PEX11B: variants seen among roughly 807,000 people sequenced by gnomAD.
PEX11B encodes peroxisomal biogenesis factor 11 beta.
A neutral mutation model predicts 28.2 loss-of-function variants in PEX11B; 18 were observed. The ratio of observed to expected loss-of-function variants is 0.64; its 90% CI spans 0.44 to 0.95. PEX11B has a LOEUF of 0.95. PEX11B is among the 40% of genes least tolerant of loss of function. The probability of loss-of-function intolerance (pLI) is 0.00; values close to 1 mark genes in which losing one functional copy is unlikely to be tolerated. For synonymous variants in PEX11B, 128 were observed against 128.7 expected (o/e 0.99, Z 0.04); for missense variants, 305 against 319.8 (o/e 0.95, Z 0.35).
At chr1:145,915,726 C>T (rs1292965530) in intron 3 of PEX11B, among the ~76,000 whole-genome samples, 2 of 151,564 alleles carry the variant, frequency 1.3e-5, no homozygotes, top group Admixed American at 6.6e-5. Flanking sequence ...CTTTGCCTCC[C>T]GGGTTCAAGC....
intron 1 of PEX11B, 72 bp from the exon 2 acceptor site, chr1:145,917,888 CACAG>C (rs1365128969): frequency 1.3e-5 from 18 of 1,421,704 alleles, no homozygotes; most frequent in East Asian, 6.9e-5. Context: ...TTCCAAAAGG[CACAG>C]ACAGACTTCC....
At chr1:145,916,734 A>G in intron 3 of PEX11B, 83 bp downstream of exon 3, 1 of 958,548 alleles carries the variant, frequency 1.0e-6, no homozygotes, top group Non-Finnish European at 1.7e-6. Context: ...GAAAGATCCT[A>G]AGATATCTTT....
At chr1:145,913,721 G>C (rs1448098785) in intron 3 of PEX11B, among the ~76,000 whole-genome samples, 12 of 152,108 alleles carry the variant, frequency 7.9e-5, no homozygotes, top group Admixed American at 5.2e-4. Flanking sequence ...CATATTAAAG[G>C]TGATCTAAAT....
Position 145,916,982 on chromosome 1 carries a change from G to A in PEX11B, c.209C>T (p.Ser70Leu). The A allele has an allele frequency of 1.9e-6, 3 of 1,613,746 alleles. No individual in the cohort carries two copies. Among genetic ancestry groups the A allele is most frequent in the Non-Finnish European group, 2.5e-6 (3 of 1,179,664 alleles). The part of the protein sequence containing the change: ...RLGNSADALE[S>L]AKRAVHLSDV... The stretch of plus-strand genomic sequence containing the variant: ...TGATAGGTGAACAGCTCTTTTGGCT[G>A]ACTCAAGGGCATCTGCTGAGTTACC... The change falls in exon 3 of 4, where the codon TCA (serine) becomes TTA (leucine). Residue 70 changes from serine to leucine, a missense_variant. Transcript: ENST00000369306.
At chr1:145,918,579 T>C in intron 1 of PEX11B, 54 bp downstream of exon 1, 3 of 1,562,622 alleles carry the variant, frequency 1.9e-6, no homozygotes, top group Non-Finnish European at 2.6e-6. Context: ...CTCACTAGAG[T>C]CTTCCTCTGT....
chr1:145,912,274 C>T lies in PEX11B; in HGVS notation c.667G>A (p.Asp223Asn), dbSNP rs1657832834. The T allele has an allele frequency of 6.2e-7, 1 of 1,614,052 alleles. No individual in the cohort carries two copies. Among genetic ancestry groups the T allele is most frequent in the East Asian group, 2.2e-5 (1 of 44,864 alleles). The stretch of plus-strand genomic sequence containing the variant: ...CCACAGCGCCAGAGGCCTAGTTTGT[C>T]CAGAGGAATGAAGAGATCACAGGCA... ...RNACDLFIPL[D>N]KLGLWRCGPG... The change falls in exon 4 of 4, where the codon GAC (aspartate) becomes AAC (asparagine). Residue 223 changes from aspartate to asparagine, a missense_variant. Transcript: ENST00000369306.
intron 1 of PEX11B, 48 bp from the exon 2 acceptor site, chr1:145,917,864 C>T (rs200775482): frequency 1.4e-5 from 21 of 1,479,800 alleles, no homozygotes; most frequent in Non-Finnish European, 2.0e-5. Flanking sequence ...CCTAACCTTC[C>T]GCTCAAAACT....
At chr1:145,916,364 T>C (rs1405987949) in intron 3 of PEX11B, among the ~76,000 whole-genome samples, 1 of 152,224 alleles carries the variant, frequency 6.6e-6, no homozygotes. Flanking sequence ...TCTTTCATAA[T>C]ACCGCATACT....
At chr1:145,917,064 G>T in intron 2 of PEX11B, 46 bp from the exon 3 acceptor site, 2 of 1,225,580 alleles carry the variant, frequency 1.6e-6, no homozygotes, top group Non-Finnish European at 2.4e-6. Flanking sequence ...AAGTGGAGAG[G>T]CAGATAACAA....
At chr1:145,914,782 C>G (rs1398414413) in intron 3 of PEX11B, among the ~76,000 whole-genome samples, 1 of 152,234 alleles carries the variant, frequency 6.6e-6, no homozygotes, top group Non-Finnish European at 1.5e-5. Flanking sequence ...ACTCTCTACT[C>G]CATAACACTG....
rs1170451230 is a variant in PEX11B at position 145,918,673 on chromosome 1, G to T, written c.16C>A (p.Arg6Ser). The part of the protein sequence containing the change: MDAWV[R>S]FSAQSQARER... ...CGGGCTTGGCTCTGAGCACTGAAGC[G>T]GACCCAGGCGTCCATGACAGCCGCA... The change falls in exon 1 of 4, where the codon CGC becomes AGC. Residue 6 changes from arginine (R) to serine (S), a missense_variant. Physicochemically the swap from Arg to Ser is moderately radical, Grantham distance 110. Transcript: ENST00000369306. 6.3e-7 allele frequency: 1 copy of T among 1,580,504 alleles called. No homozygotes were observed. The highest frequency in any genetic ancestry group is 8.6e-7 in the Non-Finnish European group (1 of 1,164,382).
rs1029385813 is a variant in PEX11B at position 145,916,263 on chromosome 1, C to G, written c.374+554G>C. ...CTACTGTTGGCTTTGTCTAACTCCT[C>G]CTACTCAGACATCAGGTCTGAGCTA... is the stretch of plus-strand genomic sequence containing the variant. On this transcript the variant is annotated intron_variant, in intron 3 of 3. Transcript: ENST00000369306. 2.0e-5 allele frequency among the ~76,000 whole-genome samples: 3 copies of G among 152,324 alleles called. No homozygotes were observed. In the East Asian group the frequency reaches 5.8e-4, roughly 29 times the overall value.
chr1:145,918,547 CT>C (rs1647553108), intron 1 of PEX11B, 85 bp downstream of exon 1: 3 of 1,547,914 alleles, frequency 1.9e-6, no homozygotes, highest in African/African-American at 1.4e-5. Flanking sequence ...CTTGACCCCC[CT>C]GTAGCCTAAA....
At position 145,916,833 on chromosome 1, in the gene PEX11B, C is replaced by T. The variant is rs1553753963; in HGVS notation, c.358G>A (p.Ala120Thr). The T allele has an allele frequency of 1.2e-6, 2 of 1,613,534 alleles. No individual in the cohort carries two copies. Among genetic ancestry groups the T allele is most frequent in the South Asian group, 1.1e-5 (1 of 91,060 alleles). Reference protein sequence around the residue: ...LAPRVDQEKWAQRSFRYYLFS... With the variant: ...LAPRVDQEKWTQRSFRYYLFS... ...ATATCAAACCTGAATGAACGCTGGG[C>T]CCACTTCTCCTGATCCACACGGGGA... The change falls in exon 3 of 4, where the codon GCC (alanine) becomes ACC (threonine). Residue 120 changes from alanine (A) to threonine (T), a missense_variant. Ala to Thr is a moderately conservative substitution (Grantham distance 58). Transcript: ENST00000369306.
intron 2 of PEX11B, among the ~76,000 whole-genome samples, chr1:145,917,307 T>C (rs932602692): frequency 1.3e-5 from 2 of 152,100 alleles, no homozygotes; most frequent in African/African-American, 4.8e-5. Context: ...GGTGGGCACC[T>C]GTAGTCCCAG....
Position 145,916,906 on chromosome 1 carries a change from C to T in PEX11B, c.285G>A (p.Leu95=), listed in dbSNP as rs1553753985. 1.2e-6 allele frequency: 2 copies of T among 1,614,080 alleles called. No homozygotes were observed. Among genetic ancestry groups the T allele is most frequent in the South Asian group, 1.1e-5 (1 of 91,086 alleles). ...CITVSHLNRA[L]YFACDNVLWA... ...ACAGGACATTGTCACAGGCGAAGTA[C>T]AAGGCTCGATTGAGGTGACTAACAG... The change falls in exon 3 of 4, where the codon TTG becomes TTA. Residue 95 remains leucine, a synonymous_variant. Transcript: ENST00000369306.
At chr1:145,918,242 G>A in intron 1 of PEX11B, 1 of 985,452 alleles carries the variant, frequency 1.0e-6, no homozygotes, top group Non-Finnish European at 1.2e-6. Context: ...GCGGAGGCAG[G>A]GGAGTTCCCG....
In PEX11B at chr1:145,912,403, C is replaced by T; in HGVS notation, c.538G>A (p.Gly180Arg). The T allele has an allele frequency of 6.2e-7, 1 of 1,601,092 alleles. No individual in the cohort carries two copies. The highest frequency in any genetic ancestry group is 1.1e-5 in the South Asian group (1 of 89,206). ...TGGLGGPGTP[G>R]GGLPQLALKL... ...AGAGCCAGTTGGGGCAGACCTCCTCCTGGAGTCCCTGGTCCCCCAAGTCCC... is the reference window on the plus strand; with the variant it reads ...AGAGCCAGTTGGGGCAGACCTCCTCTTGGAGTCCCTGGTCCCCCAAGTCCC... Residue 180 changes from glycine (G) to arginine (R), a missense_variant, in exon 4 of 4, where the codon GGA becomes AGA. Gly to Arg is a moderately radical substitution (Grantham distance 125). Coordinates refer to ENST00000369306, the MANE Select transcript of PEX11B (RefSeq NM_003846.3).
At chr1:145,913,485 A>G (rs1349727432) in intron 3 of PEX11B, among the ~76,000 whole-genome samples, 2 of 152,096 alleles carry the variant, frequency 1.3e-5, no homozygotes, top group African/African-American at 4.8e-5. Flanking sequence ...TCCTCCCAAC[A>G]TTCTGTAACT....
Sources: allele counts gnomAD v4.1 joint callset (sites outside exome capture counted in the v4.1 genomes callset), GRCh38; gene constraint gnomAD v4.1.1; transcripts MANE v1.5; gene names NCBI Gene and HGNC (gene_info 2026-07-23, HGNC 2026-07-21).